Variants in COPA observed in about 807,000 individuals in gnomAD.
The protein encoded by COPA is coatomer subunit alpha.
A neutral mutation model predicts 158.7 loss-of-function variants in COPA; 10 were observed. That is an observed-to-expected ratio of 0.06 (90% CI 0.04 to 0.11). The LOEUF (loss-of-function observed/expected upper bound fraction) is 0.11. Ranked by LOEUF, COPA falls within the 10% of genes least tolerant of loss-of-function variation. The probability of loss-of-function intolerance (pLI) is 1.00; values close to 1 mark genes in which losing one functional copy is unlikely to be tolerated. For synonymous variants in COPA, 462 were observed against 542.8 expected (o/e 0.85, Z 2.07); for missense variants, 1,065 against 1,536.7 (o/e 0.69, Z 5.13).
At chr1:160,304,981 GATTTC>G (rs1658736195) in intron 17 of COPA, among the ~76,000 whole-genome samples, 1 of 152,172 alleles carries the variant, frequency 6.6e-6, no homozygotes. Flanking sequence ...TATTCAGTAT[GATTTC>G]ATTTATATGA....
At chr1:160,343,033 G>T in intron 1 of COPA, 98 bp downstream of exon 1, 1 of 1,438,380 alleles carries the variant, frequency 7.0e-7, no homozygotes. Flanking sequence ...CGTCTGGTGG[G>T]CCCATTTCGA....
intron 8 of COPA, among the ~76,000 whole-genome samples, chr1:160,317,202 C>T (rs1659177350): frequency 1.3e-5 from 2 of 152,282 alleles, no homozygotes; most frequent in Non-Finnish European, 2.9e-5. Context: ...GAATTTACCA[C>T]CACCAGATCC....
chr1:160,295,456 A>C (rs1001257867), intron 23 of COPA, among the ~76,000 whole-genome samples: 1 of 152,258 alleles, frequency 6.6e-6, no homozygotes, highest in Non-Finnish European at 1.5e-5. Context: ...ATGACTACAT[A>C]TATAGTAAAA....
At chr1:160,299,558 T>G (rs1246731089) in intron 17 of COPA, among the ~76,000 whole-genome samples, 2 of 152,160 alleles carry the variant, frequency 1.3e-5, no homozygotes, top group East Asian at 3.8e-4. Flanking sequence ...AGTAGGTGAT[T>G]ATGGACAGGT....
rs188665868 is a variant in COPA, at chr1:160,333,653, G to A, written c.336C>T (p.Ser112=). Residue 112 remains serine (S), a synonymous_variant, in exon 5 of 33, where the codon TCC becomes TCT. Transcript: ENST00000241704. ...TCCACACTCGGATGGTCTGATCATC[G>A]GAGGCACTCAGAATCCAGGGATATT... ...HHEYPWILSA[S]DDQTIRVWNW... is the part of the protein sequence containing the mutation. The A allele has an allele frequency of 8.7e-6, 14 of 1,613,008 alleles. No individual in the cohort carries two copies. The highest frequency in any genetic ancestry group is 4.0e-5 in the African/African-American group (3 of 75,044).
At chr1:160,310,147 T>G in intron 12 of COPA, 45 bp downstream of exon 12, 1 of 1,239,932 alleles carries the variant, frequency 8.1e-7, no homozygotes. Flanking sequence ...GAAAGAGACC[T>G]ATGGAAAATG....
chr1:160,315,358 C>T (rs976860518), intron 8 of COPA, among the ~76,000 whole-genome samples: 1 of 152,206 alleles, frequency 6.6e-6, no homozygotes, highest in African/African-American at 2.4e-5. Context: ...ACTATCACAC[C>T]CAGCCCCAGA....
intron 8 of COPA, among the ~76,000 whole-genome samples, chr1:160,314,364 C>T (rs1659069996): frequency 6.6e-6 from 1 of 152,244 alleles, no homozygotes; most frequent in East Asian, 1.9e-4. Flanking sequence ...CATGGTGGCT[C>T]ACACCTGTAA....
intron 6 of COPA, among the ~76,000 whole-genome samples, chr1:160,329,387 G>C (rs1647400612): frequency 6.6e-6 from 1 of 152,104 alleles, no homozygotes; most frequent in African/African-American, 2.4e-5. Context: ...ACATTCAAGA[G>C]CAAGTATAAA....
intron 6 of COPA, among the ~76,000 whole-genome samples, chr1:160,329,664 C>A (rs889883385): frequency 1.3e-5 from 2 of 152,116 alleles, no homozygotes; most frequent in African/African-American, 4.8e-5. Flanking sequence ...GTTTTAATGC[C>A]CGAAAGGCAT....
In COPA at chr1:160,340,175, T is replaced by C. The variant is rs763734496; in HGVS notation, c.154+6A>G. ...CTCCTTTAACTTCCTCCTAGAAATATCTCACCATCATGTTCATCAAACTTG... is the reference window on the plus strand; with the variant it reads ...CTCCTTTAACTTCCTCCTAGAAATACCTCACCATCATGTTCATCAAACTTG... On this transcript the variant is annotated splice_donor_region_variant and intron_variant, in intron 2 of 32. Transcript: ENST00000241704. 20 of 1,598,388 alleles carry C rather than the reference T, an allele frequency of 1.3e-5. No homozygotes were observed. Among genetic ancestry groups the C allele is most frequent in the Non-Finnish European group, 1.5e-5 (18 of 1,166,326 alleles).
At chr1:160,294,966 C>G in intron 23 of COPA, 109 bp from the exon 24 acceptor site, 1 of 786,478 alleles carries the variant, frequency 1.3e-6, no homozygotes, top group Non-Finnish European at 2.1e-6. Flanking sequence ...CAAGCTTCTG[C>G]CTACTTACTA....
intron 10 of COPA, 124 bp downstream of exon 10, chr1:160,312,961 C>CA: frequency 1.2e-6 from 1 of 801,764 alleles, no homozygotes; most frequent in East Asian, 2.6e-5. Flanking sequence ...AACTAAGTGG[C>CA]TCTGAGAGTC....
intron 13 of COPA, chr1:160,308,837 A>G (rs557059850): frequency 5.2e-5 from 21 of 403,132 alleles, no homozygotes; most frequent in African/African-American, 3.3e-4. Context: ...AAACTAGGAT[A>G]ACATGCTGTG....
chr1:160,320,857 A>G (rs1659312627), intron 8 of COPA, among the ~76,000 whole-genome samples: 1 of 151,116 alleles, frequency 6.6e-6, no homozygotes, highest in Admixed American at 6.6e-5. Context: ...CTATGAGGCC[A>G]GCATTACTCT....
chr1:160,290,452 G>A (rs749870722), intron 32 of COPA, 40 bp downstream of exon 32: 14 of 1,581,186 alleles, frequency 8.9e-6, no homozygotes, highest in South Asian at 5.7e-5. Flanking sequence ...TTTCCCCTTC[G>A]CTCAATATCC....
chr1:160,316,348 A>T (rs910059412), intron 8 of COPA, among the ~76,000 whole-genome samples: 45 of 151,444 alleles, frequency 3.0e-4, no homozygotes, highest in African/African-American at 1.1e-3. Context: ...ACAGAGCAAG[A>T]CCCTGTCTTG....
At chr1:160,314,254 A>T (rs776932423) in intron 8 of COPA, 129 bp from the exon 9 acceptor site, 3 of 896,152 alleles carry the variant, frequency 3.3e-6, no homozygotes, top group African/African-American at 1.7e-5. Flanking sequence ...CTTCTTTCTA[A>T]TATGGCAATC....
intron 22 of COPA, 73 bp from the exon 23 acceptor site, chr1:160,295,932 C>G (rs1185507008): frequency 6.3e-7 from 1 of 1,581,680 alleles, no homozygotes; most frequent in Non-Finnish European, 8.6e-7. Context: ...ATGGAGCCTC[C>G]TTTGATCTCA....
Sources: allele counts gnomAD v4.1 joint callset (sites outside exome capture counted in the v4.1 genomes callset), GRCh38; gene constraint gnomAD v4.1.1; transcripts MANE v1.5; gene names NCBI Gene and HGNC (gene_info 2026-07-23, HGNC 2026-07-21).